SLC8A1: variants seen among roughly 807,000 people sequenced by gnomAD.
SLC8A1 encodes the protein solute carrier family 8 member A1.
In SLC8A1, 18 loss-of-function variants were observed where a neutral mutation model predicts 68.3. That is an observed-to-expected ratio of 0.26 (90% CI 0.18 to 0.39). The LOEUF (loss-of-function observed/expected upper bound fraction) is 0.39. Among genes scored for constraint, SLC8A1 ranks in the 10% least tolerant of loss-of-function variants. SLC8A1 has a pLI of 1.00. For missense variants in SLC8A1, 985 were observed against 1,156.7 expected, an observed-to-expected ratio of 0.85 and a Z score of 2.15; for synonymous variants, 475 against 415.5, an observed-to-expected ratio of 1.14 and a Z score of -1.74.
chr2:40,239,486 A>G (rs1295516383), intron 2 of SLC8A1, among the ~76,000 whole-genome samples: 1 of 152,204 alleles, frequency 6.6e-6, no homozygotes, highest in African/African-American at 2.4e-5. Context: ...TAGGGAACCA[A>G]TGCCTAAAAA....
At chr2:40,418,444 A>C (rs973786401) in intron 2 of SLC8A1, among the ~76,000 whole-genome samples, 2 of 152,140 alleles carry the variant, frequency 1.3e-5, no homozygotes, top group Admixed American at 6.6e-5. Flanking sequence ...GTCTTTTCTC[A>C]GTAATCCGTC....
intron 6 of SLC8A1, among the ~76,000 whole-genome samples, chr2:40,157,083 T>C (rs2044675785): frequency 6.6e-6 from 1 of 152,238 alleles, no homozygotes; most frequent in Non-Finnish European, 1.5e-5. Flanking sequence ...AGAAAGAAGT[T>C]AACCAGTGTG....
At chr2:40,238,304 G>T (rs564393420) in intron 2 of SLC8A1, among the ~76,000 whole-genome samples, 4 of 152,198 alleles carry the variant, frequency 2.6e-5, no homozygotes, top group African/African-American at 7.2e-5. Context: ...ATATAATCTC[G>T]TGGTGGGCCG....
chr2:40,159,044 T>A (rs10175725), intron 6 of SLC8A1, among the ~76,000 whole-genome samples: 1 of 151,934 alleles, frequency 6.6e-6, no homozygotes, highest in Non-Finnish European at 1.5e-5. Context: ...CATAAAACTA[T>A]GTGAATGAAC....
At chr2:40,391,778 T>C (rs1685347149) in intron 2 of SLC8A1, among the ~76,000 whole-genome samples, 1 of 151,848 alleles carries the variant, frequency 6.6e-6, no homozygotes, top group Non-Finnish European at 1.5e-5. Context: ...GATGACAAAA[T>C]AAATCAGGTA....
intron 2 of SLC8A1, among the ~76,000 whole-genome samples, chr2:40,325,449 C>G (rs926642757): frequency 6.6e-6 from 1 of 152,142 alleles, no homozygotes; most frequent in East Asian, 1.9e-4. Flanking sequence ...GGCATAATGA[C>G]TACATTTTCT....
At chr2:40,319,720 T>C (rs1373509226) in intron 2 of SLC8A1, among the ~76,000 whole-genome samples, 1 of 152,064 alleles carries the variant, frequency 6.6e-6, no homozygotes, top group Non-Finnish European at 1.5e-5. Context: ...CATTCTGCCT[T>C]TGGAGAGCTC....
intron 2 of SLC8A1, among the ~76,000 whole-genome samples, chr2:40,241,528 A>G (rs953622422): frequency 6.6e-6 from 1 of 152,214 alleles, no homozygotes; most frequent in Non-Finnish European, 1.5e-5. Flanking sequence ...AAAAAGCACA[A>G]TGTGAGTAAA....
At chr2:40,206,536 A>T (rs2055486014) in intron 2 of SLC8A1, among the ~76,000 whole-genome samples, 1 of 152,078 alleles carries the variant, frequency 6.6e-6, no homozygotes, top group East Asian at 1.9e-4. Flanking sequence ...GTAGTTTATC[A>T]TAACAACATA....
intron 1 of SLC8A1, among the ~76,000 whole-genome samples, chr2:40,459,666 G>A (rs1559745693): frequency 6.6e-6 from 1 of 152,260 alleles, no homozygotes; most frequent in Non-Finnish European, 1.5e-5. Context: ...AGTGCACCTG[G>A]ATGACCAACT....
At chr2:40,259,999 T>C (rs367596973) in intron 2 of SLC8A1, among the ~76,000 whole-genome samples, 1 of 152,204 alleles carries the variant, frequency 6.6e-6, no homozygotes, top group African/African-American at 2.4e-5. Context: ...CCTAAGAAAG[T>C]TGATAGTGAA....
intron 2 of SLC8A1, among the ~76,000 whole-genome samples, chr2:40,428,002 C>T (rs953641834): frequency 3.9e-5 from 6 of 152,100 alleles, no homozygotes; most frequent in African/African-American, 7.2e-5. Context: ...TATTTTCAGC[C>T]AGCCCTGGTA....
chr2:40,377,280 T>C (rs1680201082), intron 2 of SLC8A1, among the ~76,000 whole-genome samples: 1 of 151,850 alleles, frequency 6.6e-6, no homozygotes, highest in African/African-American at 2.4e-5. Flanking sequence ...AGAAAGTGAA[T>C]TTTGCCAAAA....
intron 2 of SLC8A1, among the ~76,000 whole-genome samples, chr2:40,396,459 A>T (rs911338685): frequency 6.6e-6 from 1 of 152,140 alleles, no homozygotes; most frequent in Non-Finnish European, 1.5e-5. Context: ...TTCTAGTAGC[A>T]CAGTGCAAAT....
upstream of SLC8A1, among the ~76,000 whole-genome samples, chr2:40,454,985 C>T (rs1702915653): frequency 6.6e-6 from 1 of 152,180 alleles, no homozygotes; most frequent in African/African-American, 2.4e-5. Flanking sequence ...TAATTGCAGT[C>T]TTCCATATTG....
Position 40,282,867 on chromosome 2 carries a change from C to A in SLC8A1, c.1809-105012G>T, listed in dbSNP as rs142013505. 6.1e-3 allele frequency among the ~76,000 whole-genome samples: 933 copies of A among 152,224 alleles called. 5 individuals carry two copies. The highest frequency in any genetic ancestry group is 9.2e-3 in the Non-Finnish European group (624 of 68,020). On this transcript the variant is annotated intron_variant, in intron 2 of 7. Transcript: ENST00000406785. ...GCAGACATTCTTCCCATCCCATACC[C>A]CGGACTCCCAGTGAATCTTGAAGAC...
At chr2:40,373,033 G>T (rs1046655041) in intron 2 of SLC8A1, among the ~76,000 whole-genome samples, 2 of 105,340 alleles carry the variant, frequency 1.9e-5, no homozygotes, top group African/African-American at 9.2e-5. Flanking sequence ...AACTTAAGGG[G>T]GAAAAAAAAA....
At chr2:40,352,180 C>CT (rs1432269986) in intron 2 of SLC8A1, among the ~76,000 whole-genome samples, 1 of 152,102 alleles carries the variant, frequency 6.6e-6, no homozygotes, top group Non-Finnish European at 1.5e-5. Context: ...AGAGAAGGAA[C>CT]TTGCAGTTGT....
chr2:40,492,382 A>G (rs1287170915), intron 1 of SLC8A1, among the ~76,000 whole-genome samples: 1 of 152,196 alleles, frequency 6.6e-6, no homozygotes, highest in Non-Finnish European at 1.5e-5. Flanking sequence ...ACCTAAAACC[A>G]TAAAAACCCT....
Sources: allele counts gnomAD v4.1 joint callset (sites outside exome capture counted in the v4.1 genomes callset), GRCh38; gene constraint gnomAD v4.1.1; transcripts MANE v1.5; gene names NCBI Gene and HGNC (gene_info 2026-07-23, HGNC 2026-07-21).